RPL38: variants seen among roughly 807,000 people sequenced by gnomAD.
RPL38 encodes the protein large ribosomal subunit protein eL38.
RPL38 carries 2 observed loss-of-function variants against 12.8 expected under a neutral mutation model. The observed-to-expected ratio is 0.16, with a 90% CI of 0.06 to 0.49. RPL38 has a LOEUF of 0.49. Among genes scored for constraint, RPL38 ranks in the 20% least tolerant of loss-of-function variants. The probability of loss-of-function intolerance (pLI) is 0.96; values close to 1 mark genes in which losing one functional copy is unlikely to be tolerated. For missense variants in RPL38, 52 were observed against 79.8 expected, an observed-to-expected ratio of 0.65 and a Z score of 1.33; for synonymous variants, 42 against 30.1, an observed-to-expected ratio of 1.39 and a Z score of -1.29.
intron 3 of RPL38, 100 bp from the exon 4 acceptor site, chr17:74,209,087 T>C (rs2050141425): frequency 7.8e-7 from 1 of 1,286,196 alleles, no homozygotes; most frequent in African/African-American, 1.5e-5. Context: ...GTGGGTGCTG[T>C]CTCCTGCATG....
chr17:74,206,280 C>G (rs2050112633), intron 3 of RPL38: 1 of 151,812 alleles, frequency 6.6e-6, no homozygotes, highest in Non-Finnish European at 1.5e-5. Flanking sequence ...GACCCTGTCT[C>G]TATAAAAGAA....
chr17:74,207,143 C>G (rs1198676916), intron 3 of RPL38, among the ~76,000 whole-genome samples: 2 of 152,128 alleles, frequency 1.3e-5, no homozygotes, highest in African/African-American at 4.8e-5. Flanking sequence ...TCCAGAGTCT[C>G]TGGGACTACA....
At position 74,203,947 on chromosome 17, in the gene RPL38, C is replaced by T. The variant is rs571524344; in HGVS notation, c.-9C>T. The T allele has an allele frequency of 1.9e-6, 3 of 1,606,228 alleles. No homozygotes were observed. The highest frequency in any genetic ancestry group is 2.6e-6 in the Non-Finnish European group (3 of 1,174,486). On this transcript the variant is annotated 5_prime_UTR_variant, in exon 2 of 5. Coordinates refer to ENST00000311111, the MANE Select transcript of RPL38 (RefSeq NM_000999.4). Reference sequence around the variant, plus strand: ...TGGTCCGCGCCAGAGCCCAGCGCGCCTCGTCGCCATGGTGAGTACAGTCCC... The same window carrying T: ...TGGTCCGCGCCAGAGCCCAGCGCGCTTCGTCGCCATGGTGAGTACAGTCCC...
intron 1 of RPL38, 53 bp from the exon 2 acceptor site, chr17:74,203,865 G>C: frequency 6.9e-7 from 1 of 1,451,038 alleles, no homozygotes; most frequent in Non-Finnish European, 9.3e-7. Flanking sequence ...CGGGAAAACG[G>C]GGTTCGCTGC....
intron 3 of RPL38, chr17:74,204,714 T>A (rs2050095775): frequency 6.5e-6 from 1 of 152,850 alleles, no homozygotes; most frequent in South Asian, 2.0e-4. Flanking sequence ...AAATTTTTTT[T>A]TTTCTTTGAG....
intron 4 of RPL38, chr17:74,209,584 T>C (rs2050146050): frequency 6.4e-6 from 4 of 621,236 alleles, no homozygotes; most frequent in Non-Finnish European, 1.1e-5. Context: ...GTCCCCATTT[T>C]TTACAGGGGA....
chr17:74,203,850 G>C (rs560371295), intron 1 of RPL38, 68 bp from the exon 2 acceptor site: 15 of 1,377,114 alleles, frequency 1.1e-5, no homozygotes, highest in Middle Eastern at 2.6e-4. Context: ...TATTTCGGGG[G>C]AGAGCGGGAA....
intron 3 of RPL38, 58 bp from the exon 4 acceptor site, chr17:74,209,129 A>G: frequency 6.3e-7 from 1 of 1,594,238 alleles, no homozygotes; most frequent in Middle Eastern, 2.2e-4. Flanking sequence ...TTGCACATGG[A>G]CTGTGTCACA....
intron 2 of RPL38, 45 bp downstream of exon 2, chr17:74,204,003 G>T: frequency 6.2e-7 from 1 of 1,612,976 alleles, no homozygotes. Flanking sequence ...TGGGCTCGTG[G>T]GGCCCCGGGG....
rs767488896 is a variant in RPL38, at chr17:74,203,927, C to T, written c.-29C>T. Reference sequence around the variant, plus strand: ...GGACTGTTTCCCGCAGGTCCTGGTCCGCGCCAGAGCCCAGCGCGCCTCGTC... The same window carrying T: ...GGACTGTTTCCCGCAGGTCCTGGTCTGCGCCAGAGCCCAGCGCGCCTCGTC... On this transcript the variant is annotated 5_prime_UTR_variant, in exon 2 of 5. Transcript: ENST00000311111. 1.1e-5 allele frequency: 17 copies of T among 1,599,570 alleles called. No individual in the cohort carries two copies. Among genetic ancestry groups the T allele is most frequent in the Middle Eastern group, 3.4e-4 (2 of 5,872 alleles).
intron 4 of RPL38, 100 bp downstream of exon 4, chr17:74,209,409 G>T: frequency 7.1e-7 from 1 of 1,412,746 alleles, no homozygotes; most frequent in Non-Finnish European, 9.7e-7. Flanking sequence ...AGATTTCAGA[G>T]CCCATTTTAT....
chr17:74,204,421 C>A, intron 3 of RPL38: 1 of 554,400 alleles, frequency 1.8e-6, no homozygotes, highest in Non-Finnish European at 3.2e-6. Flanking sequence ...TCTCAGAGGC[C>A]GCCCTGAGTT....
intron 4 of RPL38, chr17:74,209,580 A>AT: frequency 1.6e-6 from 1 of 621,872 alleles, no homozygotes; most frequent in South Asian, 2.0e-5. Context: ...GATAGTCCCC[A>AT]TTTTTTACAG....
rs768681875 is a variant in RPL38 at position 74,204,195 on chromosome 17, G to A, written c.64+5G>A. The A allele has an allele frequency of 6.2e-7, 1 of 1,614,094 alleles. No individual in the cohort carries two copies. Among genetic ancestry groups the A allele is most frequent in the African/African-American group, 1.3e-5 (1 of 75,046 alleles). ...CCCGACGAAAGGATGCCAAATGTAA[G>A]TGGTTGCTCCGAAGGTTCAAGAAGA... is the stretch of plus-strand genomic sequence containing the variant. On this transcript the variant is annotated splice_donor_5th_base_variant and intron_variant, in intron 3 of 4. Coordinates refer to ENST00000311111, the MANE Select transcript of RPL38 (RefSeq NM_000999.4).
chr17:74,209,154 T>TC, intron 3 of RPL38, 33 bp from the exon 4 acceptor site: 2 of 1,610,798 alleles, frequency 1.2e-6, no homozygotes, highest in Non-Finnish European at 1.7e-6. Context: ...TTTTCTGTGA[T>TC]ACAATTTAAT....
intron 3 of RPL38, chr17:74,205,334 A>G (rs971793403): frequency 6.6e-6 from 1 of 152,196 alleles, no homozygotes; most frequent in Non-Finnish European, 1.5e-5. Flanking sequence ...ATCAGGTCAC[A>G]TGTGGAAGTG....
At chr17:74,205,798 A>C (rs1166898853) in intron 3 of RPL38, 1 of 152,156 alleles carries the variant, frequency 6.6e-6, no homozygotes, top group African/African-American at 2.4e-5. Flanking sequence ...AAGCGGACAG[A>C]TCGCTTGAAC....
chr17:74,209,051 G>A (rs959168971), intron 3 of RPL38, 136 bp from the exon 4 acceptor site: 1 of 879,636 alleles, frequency 1.1e-6, no homozygotes, highest in African/African-American at 1.7e-5. Flanking sequence ...AGTGTTTTCT[G>A]TTTGCACAGA....
intron 3 of RPL38, among the ~76,000 whole-genome samples, chr17:74,206,482 C>T (rs890608151): frequency 6.6e-6 from 1 of 152,102 alleles, no homozygotes; most frequent in African/African-American, 2.4e-5. Context: ...CCACCATCAC[C>T]GCCCATCTCC....
Sources: allele counts gnomAD v4.1 joint callset (sites outside exome capture counted in the v4.1 genomes callset), GRCh38; gene constraint gnomAD v4.1.1; transcripts MANE v1.5; gene names NCBI Gene and HGNC (gene_info 2026-07-23, HGNC 2026-07-21).